Variants in CDH13 observed in about 807,000 individuals in gnomAD.
CDH13 encodes the protein cadherin 13, also known as cadherin-13.
A neutral mutation model predicts 63.8 loss-of-function variants in CDH13; 24 were observed. The ratio of observed to expected loss-of-function variants is 0.38; its 90% CI spans 0.27 to 0.53. The LOEUF (loss-of-function observed/expected upper bound fraction) is 0.53, where lower values mean the gene tolerates loss of function less well. Among genes scored for constraint, CDH13 ranks in the 20% least tolerant of loss-of-function variants. The pLI, the probability that CDH13 is intolerant of heterozygous loss-of-function variation, is 0.85. For synonymous variants in CDH13, 503 were observed against 355.3 expected (o/e 1.42, Z -4.67); for missense variants, 1,049 against 903.1 (o/e 1.16, Z -2.07).
At chr16:82,936,258 G>T (rs796134894) in intron 2 of CDH13, among the ~76,000 whole-genome samples, 12 of 152,156 alleles carry the variant, frequency 7.9e-5, no homozygotes, top group African/African-American at 2.9e-4. Flanking sequence ...ATTATTTGGG[G>T]TTGCTTTTTA....
intron 8 of CDH13, among the ~76,000 whole-genome samples, chr16:83,611,599 AATG>A (rs1908869389): frequency 6.6e-6 from 1 of 151,796 alleles, no homozygotes; most frequent in African/African-American, 2.4e-5. Flanking sequence ...CCTCCCTAGA[AATG>A]ATACTTTAAT....
intron 2 of CDH13, among the ~76,000 whole-genome samples, chr16:82,997,520 A>G (rs1177859106): frequency 4.6e-5 from 7 of 152,210 alleles, no homozygotes; most frequent in African/African-American, 7.2e-5. Context: ...TTTTAAATAA[A>G]GGTTCTGTAC....
intron 5 of CDH13, among the ~76,000 whole-genome samples, chr16:83,324,028 TTTC>T (rs57354949): frequency 2.1e-5 from 3 of 142,564 alleles, no homozygotes; most frequent in South Asian, 2.2e-4. Context: ...CACAGGTTTA[TTTC>T]TTCTTCTTCT....
At chr16:83,621,924 C>T (rs191536854) in intron 8 of CDH13, among the ~76,000 whole-genome samples, 142 of 152,224 alleles carry the variant, frequency 9.3e-4, no homozygotes, top group African/African-American at 3.3e-3. Flanking sequence ...CATTTCTTCT[C>T]ATTATAAAAG....
chr16:82,766,165 A>T (rs1355374312), intron 1 of CDH13, among the ~76,000 whole-genome samples: 1 of 152,230 alleles, frequency 6.6e-6, no homozygotes, highest in African/African-American at 2.4e-5. Flanking sequence ...TAAGTCCTGG[A>T]GTCTTCTTTA....
At chr16:83,676,807 C>T (rs1176180512) in intron 9 of CDH13, among the ~76,000 whole-genome samples, 1 of 152,184 alleles carries the variant, frequency 6.6e-6, no homozygotes, top group African/African-American at 2.4e-5. Context: ...TACATGTCAG[C>T]CGTAATTATT....
chr16:83,732,697 G>A (rs116501141), intron 10 of CDH13, among the ~76,000 whole-genome samples: 2,240 of 152,234 alleles, frequency 0.015, 45 homozygotes, highest in African/African-American at 0.048. Flanking sequence ...AGGCTTGCAG[G>A]CCCAGGATAC....
chr16:82,656,565 T>C (rs1911319747), intron 1 of CDH13, among the ~76,000 whole-genome samples: 1 of 152,172 alleles, frequency 6.6e-6, no homozygotes, highest in Non-Finnish European at 1.5e-5. Flanking sequence ...TCAATGACTC[T>C]ACATTGACAC....
intron 4 of CDH13, among the ~76,000 whole-genome samples, chr16:83,155,645 A>C (rs1230465167): frequency 6.6e-6 from 1 of 152,174 alleles, no homozygotes; most frequent in Admixed American, 6.5e-5. Flanking sequence ...AAATGGATGC[A>C]TTGGGGGCCT....
chr16:82,744,034 A>G (rs1053132352), intron 1 of CDH13, among the ~76,000 whole-genome samples: 2 of 152,216 alleles, frequency 1.3e-5, no homozygotes, highest in Non-Finnish European at 2.9e-5. Flanking sequence ...TTTAAAGCAC[A>G]AAGTTTTCTC....
chr16:83,593,166 C>T (rs1468867775), intron 7 of CDH13, among the ~76,000 whole-genome samples: 4 of 152,190 alleles, frequency 2.6e-5, no homozygotes, highest in Admixed American at 1.3e-4. Context: ...CTTCATATTG[C>T]AAGGACGCTT....
At chr16:83,419,714 G>A (rs548179791) in intron 6 of CDH13, among the ~76,000 whole-genome samples, 1 of 152,144 alleles carries the variant, frequency 6.6e-6, no homozygotes, top group African/African-American at 2.4e-5. Context: ...TTGCCCCAAG[G>A]CATTCCCATA....
intron 1 of CDH13, among the ~76,000 whole-genome samples, chr16:82,753,925 T>G (rs2034517437): frequency 6.6e-6 from 1 of 152,208 alleles, no homozygotes; most frequent in African/African-American, 2.4e-5. Context: ...CTATTTCTTC[T>G]CTGAAGTAGT....
chr16:83,092,225 A>G (rs1379589515), intron 3 of CDH13, among the ~76,000 whole-genome samples: 1 of 152,238 alleles, frequency 6.6e-6, no homozygotes, highest in East Asian at 1.9e-4. Flanking sequence ...CAATTCTTCA[A>G]TAGAGAGCAG....
intron 5 of CDH13, among the ~76,000 whole-genome samples, chr16:83,268,460 A>G (rs946820162): frequency 6.6e-6 from 1 of 152,230 alleles, no homozygotes; most frequent in South Asian, 2.1e-4. Context: ...ACCAGCAGTC[A>G]GCATACACAA....
At chr16:83,777,404 A>G (rs1597216447) in intron 11 of CDH13, among the ~76,000 whole-genome samples, 1 of 152,184 alleles carries the variant, frequency 6.6e-6, no homozygotes, top group East Asian at 1.9e-4. Context: ...GGAGGGTATG[A>G]CCTGCAGCTG....
At chr16:82,882,974 A>G (rs945826839) in intron 2 of CDH13, among the ~76,000 whole-genome samples, 9 of 152,160 alleles carry the variant, frequency 5.9e-5, no homozygotes, top group African/African-American at 1.9e-4. Context: ...ATTTGCCTGT[A>G]ATGTGTAGAG....
intron 5 of CDH13, among the ~76,000 whole-genome samples, chr16:83,329,502 G>T (rs1165088956): frequency 6.6e-6 from 1 of 151,922 alleles, no homozygotes; most frequent in African/African-American, 2.4e-5. Context: ...CTCCCAAAGT[G>T]CCGGGATTAC....
chr16:83,629,582 A>T (rs1183106282), intron 8 of CDH13, among the ~76,000 whole-genome samples: 1 of 152,228 alleles, frequency 6.6e-6, no homozygotes, highest in Non-Finnish European at 1.5e-5. Flanking sequence ...TAAATTCATA[A>T]GCTATTTCTC....
Sources: gnomAD v4.1 joint callset for allele counts (sites outside exome capture counted in the v4.1 genomes callset) on GRCh38, gnomAD v4.1.1 for gene constraint, MANE v1.5 for transcripts, NCBI Gene and HGNC (gene_info 2026-07-23, HGNC 2026-07-21) for gene names.